Variants in DCDC1 observed in about 807,000 individuals in gnomAD.
The protein encoded by DCDC1 is doublecortin domain containing 1.
DCDC1 carries 200 observed loss-of-function variants against 178.3 expected under a neutral mutation model. The ratio of observed to expected loss-of-function variants is 1.12; its 90% confidence interval spans 1.00 to 1.26. DCDC1 has a LOEUF of 1.26. DCDC1 is among the 50% of genes most tolerant of loss of function. The pLI, the probability that DCDC1 is intolerant of heterozygous loss-of-function variation, is 0.00. For missense variants in DCDC1, 1,983 were observed against 1,749.2 expected, an observed-to-expected ratio of 1.13 and a Z score of -2.38; for synonymous variants, 690 against 604.8, an observed-to-expected ratio of 1.14 and a Z score of -2.07.
chr11:31,038,736 T>C (rs1489661957), intron 20 of DCDC1, among the ~76,000 whole-genome samples: 2 of 152,192 alleles, frequency 1.3e-5, no homozygotes, highest in Non-Finnish European at 2.9e-5. Context: ...TGGAGCATGG[T>C]TGAAGACCCA....
At chr11:30,942,992 A>T (rs1947760471) in intron 21 of DCDC1, among the ~76,000 whole-genome samples, 1 of 152,166 alleles carries the variant, frequency 6.6e-6, no homozygotes, top group African/African-American at 2.4e-5. Context: ...TGGGATAATG[A>T]AGGACAACAA....
intron 9 of DCDC1, among the ~76,000 whole-genome samples, chr11:31,144,132 A>G (rs1273343852): frequency 6.6e-6 from 1 of 151,972 alleles, no homozygotes; most frequent in East Asian, 1.9e-4. Context: ...TTATTTTTTT[A>G]TTATATTTTA....
intron 20 of DCDC1, among the ~76,000 whole-genome samples, chr11:30,971,321 T>C (rs1015815092): frequency 2.0e-5 from 3 of 151,976 alleles, no homozygotes; most frequent in African/African-American, 7.2e-5. Context: ...AAGAGTCTAG[T>C]GAAAAATAAA....
At chr11:31,328,092 T>A (rs755356011) in intron 3 of DCDC1, 25 bp downstream of exon 3, 21 of 1,578,012 alleles carry the variant, frequency 1.3e-5, no homozygotes, top group Non-Finnish European at 1.7e-5. Context: ...GTATTTAGTT[T>A]AAGCTGCTGA....
intron 38 of DCDC1, among the ~76,000 whole-genome samples, chr11:30,870,587 G>A (rs186956547): frequency 5.9e-5 from 9 of 152,280 alleles, no homozygotes; most frequent in Admixed American, 5.9e-4. Context: ...GTTTGACACT[G>A]GAATTGATTT....
At chr11:30,952,635 T>G (rs898490127) in intron 20 of DCDC1, 67 bp from the exon 21 acceptor site, 10 of 653,450 alleles carry the variant, frequency 1.5e-5, no homozygotes, top group Non-Finnish European at 2.2e-5. Flanking sequence ...AATATTCATT[T>G]TATTCATTGA....
chr11:31,282,619 A>C (rs1946529681), intron 7 of DCDC1, among the ~76,000 whole-genome samples: 1 of 152,128 alleles, frequency 6.6e-6, no homozygotes, highest in Non-Finnish European at 1.5e-5. Flanking sequence ...CTCAATAAGC[A>C]GCAAAGGGTC....
At chr11:31,064,084 A>G (rs1956118101) in intron 20 of DCDC1, among the ~76,000 whole-genome samples, 1 of 152,104 alleles carries the variant, frequency 6.6e-6, no homozygotes, top group Admixed American at 6.6e-5. Context: ...CTTGAGTCCA[A>G]ATATAATATT....
intron 21 of DCDC1, among the ~76,000 whole-genome samples, chr11:30,951,062 G>A (rs1347388063): frequency 6.6e-6 from 1 of 151,982 alleles, no homozygotes; most frequent in Admixed American, 6.6e-5. Flanking sequence ...ATATAAGAGA[G>A]AAAATATTTG....
chr11:31,182,304 G>C (rs1356829178), intron 9 of DCDC1, among the ~76,000 whole-genome samples: 1 of 151,568 alleles, frequency 6.6e-6, no homozygotes, highest in African/African-American at 2.4e-5. Flanking sequence ...GATACACCAA[G>C]ATTGAAATGA....
intron 1 of DCDC1, among the ~76,000 whole-genome samples, chr11:31,352,627 T>C (rs556989397): frequency 2.6e-4 from 40 of 152,312 alleles, no homozygotes; most frequent in African/African-American, 9.6e-4. Context: ...TAACAGCTTT[T>C]GAGTTAACTT....
intron 9 of DCDC1, among the ~76,000 whole-genome samples, chr11:31,166,657 G>A (rs1291625099): frequency 1.3e-5 from 2 of 152,040 alleles, no homozygotes; most frequent in Non-Finnish European, 2.9e-5. Flanking sequence ...AAAAGAAAAA[G>A]GGAAGGGAGA....
chr11:30,986,624 C>T (rs1427130987), intron 20 of DCDC1, among the ~76,000 whole-genome samples: 3 of 152,118 alleles, frequency 2.0e-5, no homozygotes, highest in Non-Finnish European at 4.4e-5. Context: ...AGCCACCACA[C>T]CCAGCCAATG....
At chr11:31,171,507 T>C (rs1967240936) in intron 9 of DCDC1, among the ~76,000 whole-genome samples, 1 of 152,162 alleles carries the variant, frequency 6.6e-6, no homozygotes, top group African/African-American at 2.4e-5. Flanking sequence ...ATACACCATA[T>C]CTCTTCACTC....
intron 1 of DCDC1, among the ~76,000 whole-genome samples, chr11:31,362,718 T>C (rs1254283067): frequency 6.6e-6 from 1 of 152,202 alleles, no homozygotes; most frequent in Non-Finnish European, 1.5e-5. Context: ...AGTAATACTA[T>C]GAATTGCTGA....
chr11:30,941,777 T>C (rs1488587561), intron 21 of DCDC1, among the ~76,000 whole-genome samples: 1 of 152,128 alleles, frequency 6.6e-6, no homozygotes, highest in East Asian at 1.9e-4. Flanking sequence ...CTGTGAAGAT[T>C]ACTGAAAAAG....
chr11:31,062,961 A>G (rs1191718145), intron 20 of DCDC1, among the ~76,000 whole-genome samples: 1 of 95,472 alleles, frequency 1.0e-5, no homozygotes, highest in Non-Finnish European at 1.9e-5. Flanking sequence ...CCCACCCCAC[A>G]ACAGTCCCCA....
In DCDC1 at chr11:31,106,799, G is replaced by T; in HGVS notation, c.1749C>A (p.Tyr583Ter). The T allele has an allele frequency of 1.3e-6, 1 of 766,100 alleles. No homozygotes were observed. The highest frequency in any genetic ancestry group is 2.4e-6 in the Non-Finnish European group (1 of 417,750). 47.5% of individuals were successfully genotyped at this position (766,100 alleles called of 1,614,324 possible). ...GAAAACAAACCCCTTGCTCCTACCT[G>T]TATGCTCTACCATAAGAGACCCAAA... Reference protein sequence around the residue: ...QKIWVSYGRAYRSPLNLALGL... With the variant: ...QKIWVSYGRA Residue 583 changes from tyrosine to a stop codon, truncating the protein, a stop_gained and splice_region_variant, in exon 13 of 39, where the codon TAC (tyrosine) becomes TAA (stop). Coordinates refer to ENST00000684477, the MANE Select transcript of DCDC1 (RefSeq NM_001387274.1). LOFTEE classifies it high-confidence loss of function.
intron 17 of DCDC1, among the ~76,000 whole-genome samples, chr11:31,086,301 T>C (rs1441410747): frequency 1.3e-5 from 2 of 152,198 alleles, no homozygotes; most frequent in East Asian, 1.9e-4. Context: ...AAATATGTAG[T>C]GATGCTTCAT....
Sources: allele counts gnomAD v4.1 joint callset (sites outside exome capture counted in the v4.1 genomes callset), GRCh38; gene constraint gnomAD v4.1.1; transcripts MANE v1.5; gene names NCBI Gene and HGNC (gene_info 2026-07-23, HGNC 2026-07-21).